Variants in BRINP3 observed in about 807,000 individuals in gnomAD.
BRINP3 encodes the protein BMP/retinoic acid-inducible neural-specific protein 3.
BRINP3 carries 19 observed loss-of-function variants against 71.0 expected under a neutral mutation model. The observed-to-expected ratio is 0.27, with a 90% confidence interval of 0.19 to 0.39. The LOEUF (loss-of-function observed/expected upper bound fraction) is 0.39. Among genes scored for constraint, BRINP3 ranks in the 10% least tolerant of loss-of-function variants. The probability of loss-of-function intolerance (pLI) is 1.00; values close to 1 mark genes in which losing one functional copy is unlikely to be tolerated. For missense variants in BRINP3, 959 were observed against 940.8 expected, an observed-to-expected ratio of 1.02 and a Z score of -0.25; for synonymous variants, 380 against 337.7, an observed-to-expected ratio of 1.13 and a Z score of -1.37.
intron 7 of BRINP3, among the ~76,000 whole-genome samples, chr1:190,107,793 C>T (rs555768602): frequency 5.9e-5 from 9 of 151,880 alleles, no homozygotes; most frequent in South Asian, 4.2e-4. Flanking sequence ...CTTATGTTGG[C>T]GAGAAAATGT....
At chr1:190,475,230 T>TA (rs1425242699) in intron 1 of BRINP3, among the ~76,000 whole-genome samples, 2 of 152,178 alleles carry the variant, frequency 1.3e-5, no homozygotes, top group Non-Finnish European at 2.9e-5. Flanking sequence ...ATTAGGGTTT[T>TA]ATAAAGCAGG....
intron 2 of BRINP3, among the ~76,000 whole-genome samples, chr1:190,452,587 G>A (rs947867126): frequency 6.6e-6 from 1 of 152,116 alleles, no homozygotes; most frequent in Admixed American, 6.5e-5. Context: ...GGCCGCGCAC[G>A]GTGGCTCACG....
At chr1:190,448,902 C>T (rs1017130226) in intron 2 of BRINP3, among the ~76,000 whole-genome samples, 1 of 151,866 alleles carries the variant, frequency 6.6e-6, no homozygotes, top group Admixed American at 6.6e-5. Flanking sequence ...TTTTTACATT[C>T]ACAAGTTGTT....
At chr1:190,173,287 A>T (rs1652190765) in intron 6 of BRINP3, among the ~76,000 whole-genome samples, 2 of 152,154 alleles carry the variant, frequency 1.3e-5, no homozygotes, top group Admixed American at 1.3e-4. Flanking sequence ...GGCCAATGAG[A>T]CAAAAGCAAG....
chr1:190,162,454 A>G (rs577734681), intron 6 of BRINP3, among the ~76,000 whole-genome samples: 136 of 151,510 alleles, frequency 9.0e-4, no homozygotes, highest in Non-Finnish European at 1.7e-3. Flanking sequence ...TATAATTCCA[A>G]TTTGATCATA....
chr1:190,312,843 T>C (rs1277570348), intron 2 of BRINP3, among the ~76,000 whole-genome samples: 1 of 151,902 alleles, frequency 6.6e-6, no homozygotes, highest in African/African-American at 2.4e-5. Context: ...GTCTCAAACA[T>C]TTAATTGGAA....
At chr1:190,239,983 G>A (rs914574751) in intron 4 of BRINP3, among the ~76,000 whole-genome samples, 20 of 151,176 alleles carry the variant, frequency 1.3e-4, no homozygotes, top group East Asian at 3.9e-4. Context: ...CTTAGAATAC[G>A]TCATTTTTTT....
chr1:190,421,384 C>A (rs1362731104), intron 2 of BRINP3, among the ~76,000 whole-genome samples: 1 of 150,116 alleles, frequency 6.7e-6, no homozygotes, highest in Non-Finnish European at 1.5e-5. Context: ...TGGGTTTTGG[C>A]AGACTACTTA....
chr1:190,343,513 A>G (rs897287527), intron 2 of BRINP3, among the ~76,000 whole-genome samples: 1 of 151,806 alleles, frequency 6.6e-6, no homozygotes, highest in African/African-American at 2.4e-5. Context: ...CTGCACAGGT[A>G]TTATAAAGGA....
At chr1:190,467,830 GA>G (rs1676861683) in intron 1 of BRINP3, among the ~76,000 whole-genome samples, 1 of 151,324 alleles carries the variant, frequency 6.6e-6, no homozygotes. Context: ...AAACATTTTT[GA>G]AAAACATTTT....
At chr1:190,158,935 G>T (rs972909630) in intron 7 of BRINP3, among the ~76,000 whole-genome samples, 7 of 151,706 alleles carry the variant, frequency 4.6e-5, no homozygotes, top group Non-Finnish European at 1.0e-4. Flanking sequence ...ACACCTTAAA[G>T]AATAGAATTA....
intron 2 of BRINP3, among the ~76,000 whole-genome samples, chr1:190,325,251 A>G (rs1371840161): frequency 1.3e-5 from 2 of 152,020 alleles, no homozygotes; most frequent in Non-Finnish European, 2.9e-5. Context: ...TAATTACCTT[A>G]AAATGATATT....
intron 2 of BRINP3, among the ~76,000 whole-genome samples, chr1:190,407,996 T>G (rs1415913180): frequency 2.7e-5 from 4 of 150,866 alleles, no homozygotes; most frequent in African/African-American, 9.7e-5. Context: ...CTACATTTGA[T>G]GTACTTTCTT....
At position 190,372,527 on chromosome 1, in the gene BRINP3, G is replaced by A. The variant is rs530523300; in HGVS notation, c.236+82128C>T. On this transcript the variant is annotated intron_variant, in intron 2 of 7. Transcript: ENST00000367462. ...CACAAGATCAAGACATGCATAAGCT[G>A]GAAATAAATAAGAAAGTGCCTCTGT... Among the ~76,000 whole-genome samples the A allele has an allele frequency of 2.0e-5, 3 of 152,234 alleles. No individual in the cohort carries two copies. The South Asian group carries it at 6.2e-4, about 32-fold the overall frequency.
intron 2 of BRINP3, among the ~76,000 whole-genome samples, chr1:190,371,784 G>A (rs531563265): frequency 7.2e-5 from 11 of 152,096 alleles, no homozygotes; most frequent in African/African-American, 1.9e-4. Flanking sequence ...TAAATTTAAC[G>A]ATATCAATTA....
chr1:190,423,584 C>A (rs893277637), intron 2 of BRINP3, among the ~76,000 whole-genome samples: 1 of 151,718 alleles, frequency 6.6e-6, no homozygotes, highest in Non-Finnish European at 1.5e-5. Flanking sequence ...TTGCGAATTA[C>A]TTTAATTTTT....
At chr1:190,257,889 T>C (rs965387856) in intron 4 of BRINP3, among the ~76,000 whole-genome samples, 1 of 152,138 alleles carries the variant, frequency 6.6e-6, no homozygotes, top group Non-Finnish European at 1.5e-5. Flanking sequence ...GTATGAGGTG[T>C]CAGTTGGCCT....
intron 2 of BRINP3, among the ~76,000 whole-genome samples, chr1:190,304,635 G>T (rs1025876638): frequency 1.3e-5 from 2 of 151,762 alleles, no homozygotes; most frequent in African/African-American, 2.4e-5. Flanking sequence ...ATGGATCAAA[G>T]ATTTAAATTT....
intron 2 of BRINP3, among the ~76,000 whole-genome samples, chr1:190,437,555 TCTC>T (rs1259956373): frequency 2.0e-5 from 3 of 151,898 alleles, no homozygotes; most frequent in East Asian, 1.9e-4. Flanking sequence ...AATTTTCCCT[TCTC>T]CTCTCTGCCC....
Sources: allele counts gnomAD v4.1 joint callset (sites outside exome capture counted in the v4.1 genomes callset), GRCh38; gene constraint gnomAD v4.1.1; transcripts MANE v1.5; gene names NCBI Gene and HGNC (gene_info 2026-07-23, HGNC 2026-07-21).